Variants in SENP6 observed in about 807,000 individuals in gnomAD.
SENP6 encodes SUMO specific peptidase 6.
In SENP6, 41 loss-of-function variants were observed where a neutral mutation model predicts 134.5. That is an observed-to-expected ratio of 0.30 (90% CI 0.24 to 0.40). The LOEUF is 0.40. SENP6 is among the 10% of genes least tolerant of loss of function. The probability of loss-of-function intolerance (pLI) is 1.00; values close to 1 mark genes in which losing one functional copy is unlikely to be tolerated. For synonymous variants in SENP6, 395 were observed against 429.8 expected (o/e 0.92, Z 1.00); for missense variants, 1,248 against 1,312.5 (o/e 0.95, Z 0.76).
intron 7 of SENP6, among the ~76,000 whole-genome samples, chr6:75,649,673 A>G (rs1770719915): frequency 6.6e-6 from 1 of 151,790 alleles, no homozygotes; most frequent in Non-Finnish European, 1.5e-5. Context: ...CCTGCCACCA[A>G]GCCCAGCTAA....
chr6:75,665,337 A>T (rs1054757574), intron 9 of SENP6, among the ~76,000 whole-genome samples: 2 of 152,150 alleles, frequency 1.3e-5, no homozygotes, highest in African/African-American at 4.8e-5. Context: ...GCCAAAATGC[A>T]TAATATTGAG....
intron 8 of SENP6, among the ~76,000 whole-genome samples, chr6:75,662,855 G>A (rs990019853): frequency 1.3e-5 from 2 of 152,124 alleles, no homozygotes; most frequent in Admixed American, 6.6e-5. Context: ...AGATACTAAA[G>A]TAATGGAGCC....
intron 1 of SENP6, among the ~76,000 whole-genome samples, chr6:75,604,585 A>G (rs1052060780): frequency 1.3e-5 from 2 of 151,392 alleles, no homozygotes; most frequent in Non-Finnish European, 2.9e-5. Flanking sequence ...TGATAGCGCC[A>G]CTGCACTCCA....
chr6:75,635,687 A>G (rs1769457213), intron 5 of SENP6, among the ~76,000 whole-genome samples: 1 of 152,154 alleles, frequency 6.6e-6, no homozygotes, highest in African/African-American at 2.4e-5. Context: ...GAAACTTAAA[A>G]GGACAAATTA....
At chr6:75,638,237 CTTTTGTT>C (rs1769676688) in intron 5 of SENP6, among the ~76,000 whole-genome samples, 1 of 94,532 alleles carries the variant, frequency 1.1e-5, no homozygotes, top group South Asian at 4.2e-4. Context: ...TTTCCCTTTT[CTTTTGTT>C]TTTTTTTTTT....
intron 18 of SENP6, among the ~76,000 whole-genome samples, chr6:75,698,573 C>A (rs186705770): frequency 0.014 from 2,059 of 152,204 alleles, 21 homozygotes; most frequent in Middle Eastern, 0.034. Context: ...GGCCTCAAGC[C>A]ATCCCCCAAC....
At chr6:75,610,994 G>A (rs1486060249) in intron 1 of SENP6, 1 of 152,102 alleles carries the variant, frequency 6.6e-6, no homozygotes, top group Admixed American at 6.5e-5. Flanking sequence ...AAGAGTGGAC[G>A]ACGAGGAACT....
chr6:75,657,340 A>C (rs939781474), intron 7 of SENP6, among the ~76,000 whole-genome samples: 1 of 152,218 alleles, frequency 6.6e-6, no homozygotes, highest in African/African-American at 2.4e-5. Context: ...CTTAGCCTTC[A>C]TAAAAATAAT....
intron 8 of SENP6, among the ~76,000 whole-genome samples, chr6:75,662,789 C>T (rs1380671728): frequency 6.6e-6 from 1 of 152,098 alleles, no homozygotes; most frequent in Non-Finnish European, 1.5e-5. Flanking sequence ...TGAGAGGAAA[C>T]AGCACTTTTC....
intron 1 of SENP6, among the ~76,000 whole-genome samples, chr6:75,619,239 C>T (rs619786): frequency 0.31 from 46,846 of 151,918 alleles, 7,858 homozygotes; most frequent in African/African-American, 0.45. Context: ...CATTTCTCTA[C>T]TTCCTTTAGC....
rs560902091 is a variant in SENP6 at position 75,610,321 on chromosome 6, C to T, written c.52+7745C>T. 9.1e-4 allele frequency among the ~76,000 whole-genome samples: 138 copies of T among 152,268 alleles called. 1 individual carries two copies. Among genetic ancestry groups the T allele is most frequent in the African/African-American group, 3.3e-3 (138 of 41,546 alleles). On this transcript the variant is annotated intron_variant, in intron 1 of 23. Coordinates refer to ENST00000447266, the MANE Select transcript of SENP6 (RefSeq NM_015571.4). Reference sequence around the variant, plus strand: ...ATCTTGATATAAAATGCCAGTTAATCCACTAAGTCACAGACTGTTAATGCT... The same window carrying T: ...ATCTTGATATAAAATGCCAGTTAATTCACTAAGTCACAGACTGTTAATGCT...
chr6:75,644,840 T>C (rs1770312300), intron 6 of SENP6, among the ~76,000 whole-genome samples: 1 of 152,210 alleles, frequency 6.6e-6, no homozygotes, highest in Non-Finnish European at 1.5e-5. Context: ...GTTGGTTTCT[T>C]TTTTGACGTG....
At chr6:75,703,635 A>T (rs1369190456) in intron 19 of SENP6, among the ~76,000 whole-genome samples, 3 of 152,134 alleles carry the variant, frequency 2.0e-5, no homozygotes, top group African/African-American at 7.2e-5. Flanking sequence ...GGTGGTGCCC[A>T]TCGGTGGTCC....
At chr6:75,713,857 A>G in intron 23 of SENP6, 32 bp downstream of exon 23, 1 of 1,448,436 alleles carries the variant, frequency 6.9e-7, no homozygotes, top group Non-Finnish European at 9.3e-7. Context: ...CTGCTATAAT[A>G]AATAATAAAA....
chr6:75,690,356 T>A (rs756530246), intron 16 of SENP6, among the ~76,000 whole-genome samples: 3 of 152,252 alleles, frequency 2.0e-5, no homozygotes, highest in Non-Finnish European at 2.9e-5. Flanking sequence ...TGTATACATT[T>A]CCTTCCTTAA....
In SENP6 at chr6:75,602,476, C is replaced by A. The variant is rs950588176; in HGVS notation, c.-49C>A. On this transcript the variant is annotated 5_prime_UTR_variant, in exon 1 of 24. Transcript: ENST00000447266. ...CGGCCCCTCATCCCGGCGAGCACGG[C>A]GGCGGTGTGGGCCATGGATTAAGAA... The A allele has an allele frequency of 4.5e-6, 7 of 1,547,356 alleles. No homozygotes were observed. Among genetic ancestry groups the A allele is most frequent in the Admixed American group, 2.0e-5 (1 of 50,964 alleles).
At position 75,638,588 on chromosome 6, in the gene SENP6, GTGTATATATATATATA is replaced by G. The variant is rs1185901313; in HGVS notation, c.459-2094_459-2079del. Among the ~76,000 whole-genome samples the G allele has an allele frequency of 8.1e-4, 25 of 31,050 alleles. No homozygotes were observed. The East Asian group carries it at 0.019, about 23-fold the overall frequency. 20.4% of individuals were successfully genotyped at this position (31,050 alleles called of 152,430 possible). A position where few individuals can be genotyped will look rare whatever the true frequency, so the allele number is the denominator to read the frequency against. On this transcript the variant is annotated intron_variant, in intron 5 of 23. Transcript: ENST00000447266. ...TGTGTGTGTGTGTGTGTGTGTGTGT[GTGTATATATATATATA>G]TATATATATATATATATATTTTTTT...
chr6:75,706,607 T>G (rs765026134), intron 19 of SENP6, among the ~76,000 whole-genome samples: 5 of 152,228 alleles, frequency 3.3e-5, no homozygotes, highest in Admixed American at 6.5e-5. Context: ...TTTTATGTAG[T>G]TTGCCTTCTT....
At chr6:75,625,528 A>G (rs1768616065) in intron 3 of SENP6, among the ~76,000 whole-genome samples, 2 of 152,218 alleles carry the variant, frequency 1.3e-5, no homozygotes, top group South Asian at 4.2e-4. Flanking sequence ...TTTTTCTTTT[A>G]AAGGCTTTTG....
Sources: allele counts gnomAD v4.1 joint callset (sites outside exome capture counted in the v4.1 genomes callset), GRCh38; gene constraint gnomAD v4.1.1; transcripts MANE v1.5; gene names NCBI Gene and HGNC (gene_info 2026-07-23, HGNC 2026-07-21).